Variants in SH3BGRL2 observed in about 807,000 individuals in gnomAD.
SH3BGRL2 encodes SH3 domain binding glutamate rich protein like 2, also known as SH3 domain-binding glutamic acid-rich-like protein 2.
SH3BGRL2 carries 21 observed loss-of-function variants against 14.8 expected under a neutral mutation model. That is an observed-to-expected ratio of 1.42 (90% CI 1.01 to 2.05). The LOEUF (loss-of-function observed/expected upper bound fraction) is 2.05. Ranked by LOEUF, SH3BGRL2 falls within the 30% of genes most tolerant of loss-of-function variation. The pLI is 0.00. For missense variants in SH3BGRL2, 147 were observed against 130.8 expected (o/e 1.12, Z -0.61); for synonymous variants, 50 against 47.8 (o/e 1.05, Z -0.19).
intron 2 of SH3BGRL2, among the ~76,000 whole-genome samples, chr6:79,694,881 C>T (rs1287532664): frequency 2.0e-5 from 3 of 152,028 alleles, no homozygotes; most frequent in African/African-American, 7.2e-5. Flanking sequence ...CCCCTTTTTC[C>T]CCTCCTTTCC....
At chr6:79,570,056 T>C in the SH3BGRL2 span, among the ~76,000 whole-genome samples, 4 of 152,352 alleles carry the variant, frequency 2.6e-5, 1 homozygote, top group South Asian at 8.3e-4. Context: ...ATGGTTTTCA[T>C]GTCTACAATT....
At chr6:79,607,887 A>T in the SH3BGRL2 span, among the ~76,000 whole-genome samples, 1 of 152,142 alleles carries the variant, frequency 6.6e-6, no homozygotes, top group Non-Finnish European at 1.5e-5. Flanking sequence ...CAGAGGTTAC[A>T]GTGAGCCGAG....
At chr6:79,659,785 T>C (rs1769503474) in intron 1 of SH3BGRL2, among the ~76,000 whole-genome samples, 1 of 152,208 alleles carries the variant, frequency 6.6e-6, no homozygotes, top group African/African-American at 2.4e-5. Flanking sequence ...GGAATGTTTT[T>C]TCATTTGTTT....
chr6:79,684,479 T>C (rs1335512486), intron 2 of SH3BGRL2, among the ~76,000 whole-genome samples: 1 of 152,152 alleles, frequency 6.6e-6, no homozygotes. Context: ...ATTAGATTGC[T>C]AGAAACACAG....
chr6:79,648,150 C>T (rs1270000265), intron 1 of SH3BGRL2, among the ~76,000 whole-genome samples: 1 of 149,280 alleles, frequency 6.7e-6, no homozygotes, highest in Non-Finnish European at 1.5e-5. Context: ...CTTCACTGAC[C>T]TTTCAGAGCT....
At chr6:79,678,158 CAT>C (rs1358673870) in intron 2 of SH3BGRL2, among the ~76,000 whole-genome samples, 1 of 151,994 alleles carries the variant, frequency 6.6e-6, no homozygotes, top group Non-Finnish European at 1.5e-5. Context: ...GTGATAAAAA[CAT>C]ATAACACTTA....
intron 2 of SH3BGRL2, among the ~76,000 whole-genome samples, chr6:79,691,332 GTTTTTGTTTT>G (rs1562159323): frequency 6.6e-6 from 1 of 150,408 alleles, no homozygotes; most frequent in African/African-American, 2.5e-5. Context: ...TGTTTGTTTT[GTTTTTGTTTT>G]TTTTTGTTTT....
At chr6:79,645,175 T>G (rs905804202) in intron 1 of SH3BGRL2, among the ~76,000 whole-genome samples, 5 of 144,848 alleles carry the variant, frequency 3.5e-5, no homozygotes, top group Admixed American at 6.8e-5. Context: ...AAAAAATAGG[T>G]CCTGAGTTAA....
the SH3BGRL2 span, among the ~76,000 whole-genome samples, chr6:79,587,100 G>A: frequency 6.6e-6 from 1 of 152,222 alleles, no homozygotes; most frequent in Non-Finnish European, 1.5e-5. Context: ...CTTTCTACCT[G>A]TCTTTAACAT....
chr6:79,688,886 T>G (rs1770153952), intron 2 of SH3BGRL2, among the ~76,000 whole-genome samples: 1 of 152,154 alleles, frequency 6.6e-6, no homozygotes, highest in East Asian at 1.9e-4. Flanking sequence ...AAAATATTAA[T>G]AGTTTCACTT....
At chr6:79,578,073 C>A in the SH3BGRL2 span, among the ~76,000 whole-genome samples, 1 of 152,234 alleles carries the variant, frequency 6.6e-6, no homozygotes, top group Non-Finnish European at 1.5e-5. Flanking sequence ...GGGAGAGGGG[C>A]ATCTGCCATT....
intron 1 of SH3BGRL2, among the ~76,000 whole-genome samples, chr6:79,658,886 C>T (rs890587253): frequency 5.3e-5 from 8 of 152,142 alleles, no homozygotes; most frequent in Non-Finnish European, 2.9e-5. Flanking sequence ...ATTTCTCTGA[C>T]GACCAGTGAT....
chr6:79,689,410 T>A (rs1191736814), intron 2 of SH3BGRL2, among the ~76,000 whole-genome samples: 2 of 152,158 alleles, frequency 1.3e-5, no homozygotes, highest in African/African-American at 4.8e-5. Flanking sequence ...AATGTTGCTA[T>A]TCTGAGATTT....
chr6:79,595,985 C>T, the SH3BGRL2 span, among the ~76,000 whole-genome samples: 1 of 152,034 alleles, frequency 6.6e-6, no homozygotes, highest in Non-Finnish European at 1.5e-5. Context: ...GGTTGTAGGA[C>T]ACAGATCAAC....
At chr6:79,686,744 T>G (rs1770105803) in intron 2 of SH3BGRL2, among the ~76,000 whole-genome samples, 1 of 152,162 alleles carries the variant, frequency 6.6e-6, no homozygotes, top group African/African-American at 2.4e-5. Context: ...AGTTGTTAGT[T>G]TTTGTCTTTC....
At chr6:79,635,430 A>C (rs1768904090) in intron 1 of SH3BGRL2, among the ~76,000 whole-genome samples, 1 of 152,214 alleles carries the variant, frequency 6.6e-6, no homozygotes, top group African/African-American at 2.4e-5. Context: ...GCATTGAATG[A>C]CTCATATATT....
At chr6:79,601,626 A>G in the SH3BGRL2 span, among the ~76,000 whole-genome samples, 1 of 152,232 alleles carries the variant, frequency 6.6e-6, no homozygotes, top group Non-Finnish European at 1.5e-5. Context: ...GATCAGTTTT[A>G]TGTATAATAC....
At chr6:79,663,159 A>G (rs778146221) in intron 1 of SH3BGRL2, among the ~76,000 whole-genome samples, 12 of 152,182 alleles carry the variant, frequency 7.9e-5, no homozygotes, top group African/African-American at 1.2e-4. Flanking sequence ...TCTACTCGTC[A>G]AAGTCATTCT....
At chr6:79,633,060 A>AT (rs1768856644) in intron 1 of SH3BGRL2, among the ~76,000 whole-genome samples, 1 of 152,238 alleles carries the variant, frequency 6.6e-6, no homozygotes, top group Non-Finnish European at 1.5e-5. Context: ...AGTAGGTAGT[A>AT]TATTGAGATA....
Sources: gnomAD v4.1 joint callset for allele counts (sites outside exome capture counted in the v4.1 genomes callset) on GRCh38, gnomAD v4.1.1 for gene constraint, MANE v1.5 for transcripts, NCBI Gene and HGNC (gene_info 2026-07-23, HGNC 2026-07-21) for gene names.